The following MSRA variants were observed in gnomAD, a reference collection of about 807,000 sequenced individuals.
MSRA encodes mitochondrial peptide methionine sulfoxide reductase.
MSRA carries 54 observed loss-of-function variants against 31.3 expected under a neutral mutation model. The observed-to-expected ratio is 1.73, with a 90% CI of 1.39 to 2.17. The LOEUF is 2.17. Ranked by LOEUF, MSRA falls within the 30% of genes most tolerant of loss-of-function variation. The probability of loss-of-function intolerance (pLI) is 0.00; values close to 1 mark genes in which losing one functional copy is unlikely to be tolerated. For missense variants in MSRA, 507 were observed against 300.9 expected (o/e 1.69, Z -5.07); for synonymous variants, 169 against 116.5 (o/e 1.45, Z -2.90).
chr8:10,081,467 C>T (rs574070524), intron 1 of MSRA, among the ~76,000 whole-genome samples: 7 of 152,150 alleles, frequency 4.6e-5, no homozygotes, highest in African/African-American at 1.4e-4. Flanking sequence ...CAGATGCTAC[C>T]TCTTTTTCAC....
chr8:10,341,941 C>T (rs1434639503), intron 5 of MSRA, among the ~76,000 whole-genome samples: 1 of 152,176 alleles, frequency 6.6e-6, no homozygotes, highest in Non-Finnish European at 1.5e-5. Context: ...CAGTGCATTT[C>T]CTCCTGTGAC....
chr8:10,399,787 G>T (rs139373791), intron 5 of MSRA, among the ~76,000 whole-genome samples: 1,903 of 152,272 alleles, frequency 0.012, 36 homozygotes, highest in African/African-American at 0.041. Context: ...GGTGGTTATG[G>T]TGGCGGCTGT....
intron 3 of MSRA, among the ~76,000 whole-genome samples, chr8:10,245,712 G>A (rs1340637324): frequency 6.6e-6 from 1 of 152,218 alleles, no homozygotes; most frequent in Admixed American, 6.5e-5. Flanking sequence ...CAGCACACTG[G>A]CCTGAGCTAA....
chr8:10,378,529 G>A (rs1233430082), intron 5 of MSRA, among the ~76,000 whole-genome samples: 2 of 152,150 alleles, frequency 1.3e-5, no homozygotes, highest in Non-Finnish European at 2.9e-5. Context: ...GAACAGGCTG[G>A]GTGAGACTGG....
chr8:10,125,551 G>A (rs1801437400), intron 1 of MSRA, among the ~76,000 whole-genome samples: 1 of 152,174 alleles, frequency 6.6e-6, no homozygotes, highest in Non-Finnish European at 1.5e-5. Context: ...GGGAGATGAG[G>A]CTGAGAACAT....
intron 3 of MSRA, among the ~76,000 whole-genome samples, chr8:10,298,451 G>C (rs776311624): frequency 2.0e-5 from 3 of 152,132 alleles, no homozygotes; most frequent in African/African-American, 7.2e-5. Context: ...TGGAAAGGGG[G>C]TTGCCAGGGC....
chr8:10,360,947 T>A (rs946970013), intron 5 of MSRA, among the ~76,000 whole-genome samples: 3 of 152,230 alleles, frequency 2.0e-5, no homozygotes, highest in Admixed American at 6.5e-5. Flanking sequence ...CCTTTATCTC[T>A]TAAAGGGATT....
At chr8:10,230,656 ACTT>A (rs1260959611) in intron 2 of MSRA, among the ~76,000 whole-genome samples, 4 of 152,234 alleles carry the variant, frequency 2.6e-5, no homozygotes, top group African/African-American at 9.6e-5. Context: ...TGGAATACAT[ACTT>A]CTTATAGAAA....
At chr8:10,286,663 C>T (rs180852277) in intron 3 of MSRA, among the ~76,000 whole-genome samples, 2 of 152,358 alleles carry the variant, frequency 1.3e-5, no homozygotes, top group African/African-American at 4.8e-5. Flanking sequence ...GCACCTAACA[C>T]TTTCTATCCT....
At chr8:10,135,486 G>T (rs1802208020) in intron 1 of MSRA, among the ~76,000 whole-genome samples, 1 of 152,162 alleles carries the variant, frequency 6.6e-6, no homozygotes. Flanking sequence ...TAATATTAAT[G>T]ACTTCAATTC....
intron 1 of MSRA, among the ~76,000 whole-genome samples, chr8:10,088,596 G>C (rs1230260839): frequency 3.3e-5 from 5 of 152,146 alleles, no homozygotes; most frequent in Non-Finnish European, 5.9e-5. Context: ...TTAGCTGAGT[G>C]TGGTGGCTGC....
chr8:10,176,797 C>T (rs1806095180), intron 1 of MSRA, among the ~76,000 whole-genome samples: 1 of 152,234 alleles, frequency 6.6e-6, no homozygotes, highest in South Asian at 2.1e-4. Flanking sequence ...CCACCCAGGG[C>T]TCCTGCCATC....
At chr8:10,310,931 G>T (rs1427045986) in intron 4 of MSRA, among the ~76,000 whole-genome samples, 1 of 152,204 alleles carries the variant, frequency 6.6e-6, no homozygotes, top group Non-Finnish European at 1.5e-5. Flanking sequence ...AGATGAAGAA[G>T]TCCAAATAAT....
chr8:10,234,347 C>T (rs184070797), intron 2 of MSRA, among the ~76,000 whole-genome samples: 195 of 151,994 alleles, frequency 1.3e-3, no homozygotes, highest in African/African-American at 4.3e-3. Flanking sequence ...TTCAGTGTGG[C>T]GGGTTTTGAG....
chr8:10,198,063 C>T (rs1808154665), intron 1 of MSRA, among the ~76,000 whole-genome samples: 1 of 152,018 alleles, frequency 6.6e-6, no homozygotes, highest in Non-Finnish European at 1.5e-5. Flanking sequence ...TTTACAACTT[C>T]CAAAATATAC....
intron 1 of MSRA, among the ~76,000 whole-genome samples, chr8:10,150,564 G>A (rs951682507): frequency 1.3e-5 from 2 of 152,114 alleles, no homozygotes; most frequent in African/African-American, 2.4e-5. Context: ...GCCAATTAAT[G>A]TGTTAATATA....
At chr8:10,421,238 G>A (rs370838610) in intron 5 of MSRA, among the ~76,000 whole-genome samples, 9 of 152,144 alleles carry the variant, frequency 5.9e-5, no homozygotes, top group South Asian at 2.1e-4. Flanking sequence ...GCTGCTGACC[G>A]GTGGCTGTGG....
intron 1 of MSRA, among the ~76,000 whole-genome samples, chr8:10,178,597 A>G (rs957993866): frequency 5.9e-5 from 9 of 152,240 alleles, no homozygotes; most frequent in Admixed American, 5.9e-4. Context: ...AAGAAAAATG[A>G]AAATTCACCT....
At position 10,087,873 on chromosome 8, in the gene MSRA, C is replaced by CA. The variant is rs768123154; in HGVS notation, c.142+33219dup. On this transcript the variant is annotated intron_variant, in intron 1 of 5. Transcript: ENST00000317173. The stretch of plus-strand genomic sequence containing the variant: ...TCTCCAAATGCAGTAGACTTTTTGG[C>CA]AAAATCTCAGGTAAACCTCATACAT... 3.9e-5 allele frequency among the ~76,000 whole-genome samples: 6 copies of CA among 152,222 alleles called. No individual in the cohort carries two copies. In the East Asian group the frequency reaches 9.6e-4, roughly 24 times the overall value.
Sources: allele counts gnomAD v4.1 joint callset (sites outside exome capture counted in the v4.1 genomes callset), GRCh38; gene constraint gnomAD v4.1.1; transcripts MANE v1.5; gene names NCBI Gene and HGNC (gene_info 2026-07-23, HGNC 2026-07-21).